Variants in HACL1 observed in about 807,000 individuals in gnomAD.
HACL1 encodes the protein 1600020H07Rik.
Under a neutral mutation model 74.2 loss-of-function variants are expected in HACL1, and 64 were observed. The observed-to-expected ratio is 0.86, with a 90% CI of 0.70 to 1.06. The LOEUF is 1.06. Ranked by LOEUF, HACL1 falls within the 50% of genes least tolerant of loss-of-function variation. The probability of loss-of-function intolerance (pLI) is 0.00; values close to 1 mark genes in which losing one functional copy is unlikely to be tolerated. For missense variants in HACL1, 728 were observed against 719.7 expected (o/e 1.01, Z -0.13); for synonymous variants, 230 against 238.8 (o/e 0.96, Z 0.34).
chr3:15,597,920 C>A (rs1433143807), intron 2 of HACL1, among the ~76,000 whole-genome samples: 1 of 151,884 alleles, frequency 6.6e-6, no homozygotes, highest in Non-Finnish European at 1.5e-5. Context: ...CTAGGCAATG[C>A]AAAATATACA....
At chr3:15,569,457 G>A (rs76727374) in intron 12 of HACL1, among the ~76,000 whole-genome samples, 1 of 152,056 alleles carries the variant, frequency 6.6e-6, no homozygotes, top group Admixed American at 6.5e-5. Flanking sequence ...AGGCCAAGGC[G>A]GGCGGATCAC....
intron 6 of HACL1, among the ~76,000 whole-genome samples, chr3:15,585,983 T>C (rs1273267414): frequency 6.6e-6 from 1 of 152,168 alleles, no homozygotes; most frequent in Non-Finnish European, 1.5e-5. Context: ...ACTATGTGTA[T>C]AAGGTACATA....
chr3:15,591,630 C>T lies in HACL1; in HGVS notation c.278G>A (p.Gly93Asp), dbSNP rs1320159218. ...GTTCATGTTTGCATTTGCCATACCG[C>T]CCAAGGCATGGATGAGACCTGGGCC... ...VSGPGLIHALGGMANANMNCW... is the reference protein window; with the variant it reads ...VSGPGLIHALDGMANANMNCW... Residue 93 changes from glycine to aspartate, a missense_variant, in exon 4 of 17, where the codon GGC becomes GAC. Coordinates refer to ENST00000321169, the MANE Select transcript of HACL1 (RefSeq NM_012260.4). 6.2e-7 allele frequency: 1 copy of T among 1,610,412 alleles called. No homozygotes were observed. Among genetic ancestry groups the T allele is most frequent in the Non-Finnish European group, 8.5e-7 (1 of 1,176,916 alleles).
intron 16 of HACL1, among the ~76,000 whole-genome samples, chr3:15,563,058 T>C (rs929996523): frequency 9.2e-5 from 14 of 152,150 alleles, no homozygotes; most frequent in East Asian, 1.9e-4. Flanking sequence ...TCCAAGTAAT[T>C]GCTTCACTCT....
intron 11 of HACL1, among the ~76,000 whole-genome samples, chr3:15,572,102 AG>A (rs1308236778): frequency 6.6e-6 from 1 of 151,998 alleles, no homozygotes; most frequent in East Asian, 1.9e-4. Context: ...GGCCTCCCAA[AG>A]TGCTGGGATT....
chr3:15,568,057 G>A, intron 13 of HACL1, 55 bp from the exon 14 acceptor site: 1 of 1,458,550 alleles, frequency 6.9e-7, no homozygotes, highest in Non-Finnish European at 9.6e-7. Flanking sequence ...TAGAGGATGG[G>A]ATTGGCACAA....
intron 4 of HACL1, 63 bp downstream of exon 4, chr3:15,591,537 A>T: frequency 1.1e-6 from 1 of 932,136 alleles, no homozygotes; most frequent in Non-Finnish European, 1.7e-6. Flanking sequence ...CATTAGCTCT[A>T]CTCAGTAAAA....
intron 4 of HACL1, 72 bp from the exon 5 acceptor site, chr3:15,589,684 A>G: frequency 1.1e-6 from 1 of 874,284 alleles, no homozygotes; most frequent in Non-Finnish European, 1.9e-6. Context: ...CACAGTGTCT[A>G]ATTCACAACA....
chr3:15,583,041 T>C (rs751900163), intron 7 of HACL1, 52 bp from the exon 8 acceptor site: 2 of 833,746 alleles, frequency 2.4e-6, no homozygotes, highest in Non-Finnish European at 4.0e-6. Context: ...GATCTTTTTA[T>C]TGTGAAAATT....
chr3:15,577,291 C>T lies in HACL1; in HGVS notation c.804-2209G>A, dbSNP rs2063644416. 2.0e-5 allele frequency among the ~76,000 whole-genome samples: 3 copies of T among 151,832 alleles called. No homozygotes were observed. In the South Asian group the frequency reaches 6.3e-4, roughly 32 times the overall value. On this transcript the variant is annotated intron_variant, in intron 9 of 16. Coordinates refer to ENST00000321169, the MANE Select transcript of HACL1 (RefSeq NM_012260.4). ...CTTGAGCCTAGGGGTCTGAGTCCAG[C>T]CTGGGCAACACAGTGAGGCCCTGTC...
In HACL1 at chr3:15,589,613, C is replaced by A. The variant is rs746344741; in HGVS notation, c.309-1G>T. 1.3e-6 allele frequency: 2 copies of A among 1,591,290 alleles called. No homozygotes were observed. The highest frequency in any genetic ancestry group is 1.7e-5 in the Admixed American group (1 of 59,634). ...GGAACCACCAATCACAAGCAAGGGCCTGAAACAATCATTTTTTTAACAAGA... is the reference window on the plus strand; with the variant it reads ...GGAACCACCAATCACAAGCAAGGGCATGAAACAATCATTTTTTTAACAAGA... On this transcript the variant is annotated splice_acceptor_variant, in intron 4 of 16. Coordinates refer to ENST00000321169, the MANE Select transcript of HACL1 (RefSeq NM_012260.4). LOFTEE classifies it high-confidence loss of function.
In HACL1 at chr3:15,567,859, A is replaced by C; in HGVS notation, c.1394T>G (p.Val465Gly). The change falls in exon 14 of 17, where the codon GTA becomes GGA. Residue 465 changes from valine to glycine, a missense_variant. Val to Gly is a moderately radical substitution (Grantham distance 109). Coordinates refer to ENST00000321169, the MANE Select transcript of HACL1 (RefSeq NM_012260.4). ...GATGTTTTACCTGCAGATGGTTTCT[A>C]CCTCCATGCCAGAAAACCCAAATGC... is the stretch of plus-strand genomic sequence containing the variant. ...DSAFGFSGME[V>G]ETICRYNLPI... 2.5e-6 allele frequency: 4 copies of C among 1,613,734 alleles called. No individual in the cohort carries two copies. The highest frequency in any genetic ancestry group is 2.5e-6 in the Non-Finnish European group (3 of 1,179,638).
At chr3:15,576,611 G>A (rs1030533915) in intron 9 of HACL1, among the ~76,000 whole-genome samples, 2 of 152,024 alleles carry the variant, frequency 1.3e-5, no homozygotes, top group Non-Finnish European at 2.9e-5. Context: ...TACAGTTGCT[G>A]TTATTACTAA....
intron 9 of HACL1, 28 bp from the exon 10 acceptor site, chr3:15,575,110 A>AT: frequency 9.3e-7 from 1 of 1,071,828 alleles, no homozygotes; most frequent in Non-Finnish European, 1.4e-6. Context: ...ATGAAAGTAT[A>AT]ACTACATTTC....
At chr3:15,579,869 T>G in intron 9 of HACL1, 41 bp downstream of exon 9, 4 of 1,415,880 alleles carry the variant, frequency 2.8e-6, no homozygotes, top group Non-Finnish European at 3.8e-6. Flanking sequence ...TAGCCTAAAA[T>G]CTACCAAGCC....
chr3:15,577,825 G>C (rs911539635), intron 9 of HACL1, among the ~76,000 whole-genome samples: 1 of 150,810 alleles, frequency 6.6e-6, no homozygotes, highest in Non-Finnish European at 1.5e-5. Context: ...CCGGCTGGGC[G>C]CAGTGGCTCA....
chr3:15,583,071 G>GA (rs2063739633), intron 7 of HACL1, 82 bp from the exon 8 acceptor site: 11 of 666,842 alleles, frequency 1.6e-5, no homozygotes, highest in Non-Finnish European at 2.7e-5. Flanking sequence ...TAGAAAGGTA[G>GA]AAAAAATAGT....
At chr3:15,601,344 T>C in intron 1 of HACL1, 39 bp downstream of exon 1, 5 of 1,612,722 alleles carry the variant, frequency 3.1e-6, no homozygotes, top group Non-Finnish European at 4.2e-6. Flanking sequence ...CCCCGCCAGC[T>C]TCCGTAGGAG....
chr3:15,585,462 G>A, intron 6 of HACL1, 120 bp from the exon 7 acceptor site: 1 of 615,988 alleles, frequency 1.6e-6, no homozygotes, highest in Non-Finnish European at 2.9e-6. Context: ...TCCTTGTGGA[G>A]AAAAAAATAA....
Sources: allele counts gnomAD v4.1 joint callset (sites outside exome capture counted in the v4.1 genomes callset), GRCh38; gene constraint gnomAD v4.1.1; transcripts MANE v1.5; gene names NCBI Gene and HGNC (gene_info 2026-07-23, HGNC 2026-07-21).